The following PCDHGA6 variants were observed in gnomAD, a reference collection of about 807,000 sequenced individuals.
PCDHGA6 encodes protocadherin gamma-A6.
A neutral mutation model predicts 60.6 loss-of-function variants in PCDHGA6; 41 were observed. The observed-to-expected ratio is 0.68, with a 90% CI of 0.53 to 0.88. The LOEUF is 0.88. Ranked by LOEUF, PCDHGA6 falls within the 40% of genes least tolerant of loss-of-function variation. The probability of loss-of-function intolerance (pLI) is 0.00; values close to 1 mark genes in which losing one functional copy is unlikely to be tolerated. For missense variants in PCDHGA6, 1,312 were observed against 1,203.0 expected, an observed-to-expected ratio of 1.09 and a Z score of -1.34; for synonymous variants, 594 against 524.4, an observed-to-expected ratio of 1.13 and a Z score of -1.81.
At chr5:141,394,034 G>T in intron 1 of PCDHGA6, 1 of 1,613,540 alleles carries the variant, frequency 6.2e-7, no homozygotes, top group Non-Finnish European at 8.5e-7. Flanking sequence ...TAGTGACAAG[G>T]AAATATTTGG....
rs1413288410 is a variant in PCDHGA6 at position 141,392,726 on chromosome 5, T to C, written c.2424+16219T>C. On this transcript the variant is annotated intron_variant, in intron 1 of 3. Transcript: ENST00000517434. The stretch of plus-strand genomic sequence containing the variant: ...GGAGGCACTCCAGGTTTCCGGAGGA[T>C]TGTCATCTCCATAGCTGCGGCAAGA... 4.3e-6 allele frequency: 6 copies of C among 1,399,264 alleles called. No individual in the cohort carries two copies. The African/African-American group carries it at 8.7e-5, about 20-fold the overall frequency. 86.7% of individuals were successfully genotyped at this position (1,399,264 alleles called of 1,614,324 possible).
rs533568792 is a variant in PCDHGA6 at position 141,393,506 on chromosome 5, A to G, written c.2424+16999A>G. The G allele has an allele frequency of 7.4e-6, 12 of 1,614,032 alleles. No individual in the cohort carries two copies. The East Asian group carries it at 2.5e-4, about 33-fold the overall frequency. ...CTAGCACAGTGCGCATCCACGTGAC[A>G]GTGTTGGATACAAATGACAATGCCC... On this transcript the variant is annotated intron_variant, in intron 1 of 3. Transcript: ENST00000517434.
intron 1 of PCDHGA6, among the ~76,000 whole-genome samples, chr5:141,397,322 AATT>A (rs1264296504): frequency 6.6e-6 from 1 of 152,188 alleles, no homozygotes; most frequent in Non-Finnish European, 1.5e-5. Flanking sequence ...AGTAAAGAAA[AATT>A]ATTTTTATAA....
rs747811019 is a variant in PCDHGA6 at position 141,490,069 on chromosome 5, C to T, written c.2425-4738C>T. 6 of 1,614,150 alleles carry T rather than the reference C, an allele frequency of 3.7e-6. No homozygotes were observed. Among genetic ancestry groups the T allele is most frequent in the Non-Finnish European group, 5.1e-6 (6 of 1,180,044 alleles). ...TCCAGACGAGGGCACCAACGGCCAA[C>T]TAGACTATTCTTTTGGAGACCACAC... On this transcript the variant is annotated intron_variant, in intron 1 of 3. Transcript: ENST00000517434. This position sits in a 1 kb window ranked among gnomAD's most constrained non-coding sequence, Gnocchi z 5.4.
chr5:141,470,718 G>A (rs916720866), intron 1 of PCDHGA6, among the ~76,000 whole-genome samples: 2 of 152,022 alleles, frequency 1.3e-5, no homozygotes, highest in Non-Finnish European at 2.9e-5. Flanking sequence ...ATTTTTTTGA[G>A]TCAGGGTCTT....
intron 1 of PCDHGA6, chr5:141,417,676 C>A (rs902104404): frequency 4.0e-6 from 4 of 993,448 alleles, no homozygotes; most frequent in Middle Eastern, 3.3e-4. Flanking sequence ...GCGCAGCCAA[C>A]AACAGAAAAG....
rs533830391 is a variant in PCDHGA6, at chr5:141,492,559, C to T, written c.2425-2248C>T. 4.6e-5 allele frequency among the ~76,000 whole-genome samples: 7 copies of T among 152,292 alleles called. No homozygotes were observed. The East Asian group carries it at 1.4e-3, about 29-fold the overall frequency. The stretch of plus-strand genomic sequence containing the variant: ...GGGCTGGGCCGGGTCGCCTGGGGGG[C>T]GGCCTGAGCGAGGCGCGGGGCCAGG... On this transcript the variant is annotated intron_variant, in intron 1 of 3. Coordinates refer to ENST00000517434, the MANE Select transcript of PCDHGA6 (RefSeq NM_018919.3).
At chr5:141,437,032 C>T (rs2097859215) in intron 1 of PCDHGA6, among the ~76,000 whole-genome samples, 1 of 152,182 alleles carries the variant, frequency 6.6e-6, no homozygotes, top group Admixed American at 6.5e-5. Context: ...GAAAATGGAT[C>T]ACCGAAACCA....
chr5:141,389,083 A>T, intron 1 of PCDHGA6: 3 of 1,614,058 alleles, frequency 1.9e-6, no homozygotes, highest in Non-Finnish European at 2.5e-6. Context: ...AGAAACACGT[A>T]TAAATTAGTG....
rs1481706003 is a variant in PCDHGA6, at chr5:141,491,416, G to A, written c.2425-3391G>A. On this transcript the variant is annotated intron_variant, in intron 1 of 3. Transcript: ENST00000517434. This position sits in a 1 kb window ranked among gnomAD's most constrained non-coding sequence, Gnocchi z 6.9. ...TCAGGGAAACGCAGACGGGGACGGG[G>A]GTGGAGGGCAGTGCTGCAGGCGCCA... 3 of 1,614,138 alleles carry A rather than the reference G, an allele frequency of 1.9e-6. No homozygotes were observed. The highest frequency in any genetic ancestry group is 2.2e-5 in the East Asian group (1 of 44,874).
chr5:141,417,936 A>G (rs1266177574), intron 1 of PCDHGA6: 3 of 1,612,080 alleles, frequency 1.9e-6, no homozygotes, highest in Non-Finnish European at 1.7e-6. Flanking sequence ...CCTTTGTTCT[A>G]CCCCACGCTG....
At chr5:141,421,889 C>T (rs1280668349) in intron 1 of PCDHGA6, 5 of 1,613,574 alleles carry the variant, frequency 3.1e-6, no homozygotes, top group African/African-American at 1.3e-5. Flanking sequence ...GGAGGCGATC[C>T]CATCCGAAAG....
intron 2 of PCDHGA6, among the ~76,000 whole-genome samples, chr5:141,501,290 T>TACAC (rs55762287): frequency 0.051 from 6,975 of 136,060 alleles, 192 homozygotes; most frequent in African/African-American, 0.071. Context: ...TATTCCCTTA[T>TACAC]ACACACACAC....
chr5:141,385,381 T>C, intron 1 of PCDHGA6: 1 of 1,517,334 alleles, frequency 6.6e-7, no homozygotes, highest in South Asian at 1.3e-5. Context: ...TATTTCTCTA[T>C]TATTTTGCAA....
chr5:141,403,220 A>G (rs1340190547), intron 1 of PCDHGA6: 1 of 1,613,824 alleles, frequency 6.2e-7, no homozygotes, highest in Non-Finnish European at 8.5e-7. Context: ...CGCGGGTAGG[A>G]TAGACCGGGA....
At chr5:141,379,474 T>C (rs1775619669) in intron 1 of PCDHGA6, 1 of 152,258 alleles carries the variant, frequency 6.6e-6, no homozygotes, top group Non-Finnish European at 1.5e-5. Context: ...AGTGTGAATG[T>C]TATTTTACTA....
At chr5:141,421,211 T>A (rs866635411) in intron 1 of PCDHGA6, 8 of 1,541,100 alleles carry the variant, frequency 5.2e-6, no homozygotes. Flanking sequence ...CCGCGGAATA[T>A]CGGCTTAGAG....
chr5:141,432,511 C>T lies in PCDHGA6; in HGVS notation c.2424+56004C>T. ...AGCTGGCTCCCCGCTCCGCAGAGCC[C>T]GGCTACCTGGTGACCAAGGTGGTGG... is the stretch of plus-strand genomic sequence containing the variant. On this transcript the variant is annotated intron_variant, in intron 1 of 3. Coordinates refer to ENST00000517434, the MANE Select transcript of PCDHGA6 (RefSeq NM_018919.3). This position sits in a 1 kb window ranked among gnomAD's most constrained non-coding sequence, Gnocchi z 6.0. 1 of 1,614,118 alleles carries T rather than the reference C, an allele frequency of 6.2e-7. No homozygotes were observed. The highest frequency in any genetic ancestry group is 8.5e-7 in the Non-Finnish European group (1 of 1,180,042).
intron 1 of PCDHGA6, chr5:141,408,214 C>G (rs1225368283): frequency 1.3e-6 from 2 of 1,555,192 alleles, no homozygotes; most frequent in Admixed American, 2.0e-5. Context: ...TGGGAGGGAG[C>G]TGCGCGCAGA....
Sources: gnomAD v4.1 joint callset for allele counts (sites outside exome capture counted in the v4.1 genomes callset) on GRCh38, gnomAD v4.1.1 for gene constraint, Gnocchi (gnomAD v3.1) non-coding constraint, MANE v1.5 for transcripts, NCBI Gene and HGNC (gene_info 2026-07-23, HGNC 2026-07-21) for gene names.